The following ANKRD10 variants were observed in gnomAD, a reference collection of about 807,000 sequenced individuals.
The protein encoded by ANKRD10 is ankyrin repeat domain-containing protein 10.
Under a neutral mutation model 27.0 loss-of-function variants are expected in ANKRD10, and 14 were observed. The observed-to-expected ratio is 0.52, with a 90% CI of 0.34 to 0.81. The LOEUF (loss-of-function observed/expected upper bound fraction) is 0.81. Ranked by LOEUF, ANKRD10 falls within the 40% of genes least tolerant of loss-of-function variation. The probability of loss-of-function intolerance (pLI) is 0.01; values close to 1 mark genes in which losing one functional copy is unlikely to be tolerated. For missense variants in ANKRD10, 493 were observed against 544.0 expected (o/e 0.91, Z 0.93); for synonymous variants, 250 against 224.5 (o/e 1.11, Z -1.01).
chr13:110,879,521 T>C lies in ANKRD10; in HGVS notation c.*116A>G, dbSNP rs764525776. ...TGTCGAAGTTTACTTTTTCAGAAAG[T>C]TGAAGTATATAAAAAACGTACAAGT... is the stretch of plus-strand genomic sequence containing the variant. On this transcript the variant is annotated 3_prime_UTR_variant, in exon 6 of 6. Coordinates refer to ENST00000267339, the MANE Select transcript of ANKRD10 (RefSeq NM_017664.4). 1.9e-5 allele frequency: 15 copies of C among 794,806 alleles called. No homozygotes were observed. The highest frequency in any genetic ancestry group is 2.8e-5 in the Non-Finnish European group (14 of 503,176). 49.2% of individuals were successfully genotyped at this position (794,806 alleles called of 1,614,324 possible). A position where few individuals can be genotyped will look rare whatever the true frequency, so the allele number is the denominator to read the frequency against.
At chr13:110,904,736 C>T (rs1258056665) in intron 3 of ANKRD10, among the ~76,000 whole-genome samples, 1 of 152,220 alleles carries the variant, frequency 6.6e-6, no homozygotes, top group Non-Finnish European at 1.5e-5. Context: ...TCAATTGTTT[C>T]TACATTACCT....
chr13:110,889,229 G>A (rs564207612), intron 4 of ANKRD10, among the ~76,000 whole-genome samples: 3 of 152,280 alleles, frequency 2.0e-5, no homozygotes, highest in African/African-American at 7.2e-5. Flanking sequence ...GAGTCCTGAA[G>A]CCCATGCATC....
intron 3 of ANKRD10, among the ~76,000 whole-genome samples, chr13:110,896,724 A>G (rs758662143): frequency 6.6e-6 from 1 of 152,280 alleles, no homozygotes; most frequent in Non-Finnish European, 1.5e-5. Flanking sequence ...CCTCAAGGCA[A>G]TTGAGCATGG....
intron 4 of ANKRD10, among the ~76,000 whole-genome samples, chr13:110,889,234 T>G (rs1393946284): frequency 6.6e-6 from 1 of 152,184 alleles, no homozygotes; most frequent in African/African-American, 2.4e-5. Context: ...CTGAAGCCCA[T>G]GCATCATACC....
intron 3 of ANKRD10, chr13:110,903,991 G>T (rs1419772050): frequency 2.6e-5 from 4 of 152,236 alleles, no homozygotes; most frequent in African/African-American, 9.6e-5. Context: ...GTTACACGTT[G>T]GTGGACTAAA....
intron 5 of ANKRD10, among the ~76,000 whole-genome samples, chr13:110,882,882 A>T (rs190100008): frequency 1.4e-3 from 216 of 152,226 alleles, no homozygotes; most frequent in Non-Finnish European, 2.6e-3. Flanking sequence ...TAATAAACTT[A>T]AAAAAAATCT....
intron 5 of ANKRD10, 53 bp downstream of exon 5, chr13:110,883,645 G>A (rs760116869): frequency 6.2e-7 from 1 of 1,605,584 alleles, no homozygotes; most frequent in South Asian, 1.1e-5. Flanking sequence ...GCTGTTTGGT[G>A]TCTTCAACCA....
intron 4 of ANKRD10, among the ~76,000 whole-genome samples, 194 bp from the exon 5 acceptor site, chr13:110,883,987 G>A (rs370080280): frequency 1.4e-4 from 22 of 152,220 alleles, no homozygotes; most frequent in African/African-American, 5.1e-4. Context: ...CTTGACATGT[G>A]CAGATTTTAA....
chr13:110,897,655 G>A (rs909614463), intron 3 of ANKRD10, among the ~76,000 whole-genome samples: 1 of 152,166 alleles, frequency 6.6e-6, no homozygotes, highest in Non-Finnish European at 1.5e-5. Context: ...AATAGTGCTG[G>A]AACGAGCATG....
intron 1 of ANKRD10, among the ~76,000 whole-genome samples, chr13:110,913,359 G>C (rs67483351): frequency 2.0e-5 from 3 of 152,154 alleles, no homozygotes; most frequent in Non-Finnish European, 4.4e-5. Flanking sequence ...AGAAGCGCAG[G>C]GAGGAGGCTT....
intron 4 of ANKRD10, among the ~76,000 whole-genome samples, chr13:110,891,301 G>A (rs189414820): frequency 3.5e-4 from 53 of 152,080 alleles, no homozygotes; most frequent in African/African-American, 1.1e-3. Context: ...TTAAAAAGGC[G>A]TTGAAACTAC....
chr13:110,883,204 A>ACCAC (rs2064851302), intron 5 of ANKRD10: 1 of 152,540 alleles, frequency 6.6e-6, no homozygotes, highest in Admixed American at 6.5e-5. Flanking sequence ...CTGAGTCAGA[A>ACCAC]CCACATTTAC....
At chr13:110,887,700 G>C (rs926477348) in intron 4 of ANKRD10, among the ~76,000 whole-genome samples, 1 of 152,210 alleles carries the variant, frequency 6.6e-6, no homozygotes, top group African/African-American at 2.4e-5. Flanking sequence ...TTCACCCAAT[G>C]AACTTAGGCA....
chr13:110,886,306 T>C (rs2064929393), intron 4 of ANKRD10, among the ~76,000 whole-genome samples: 1 of 152,252 alleles, frequency 6.6e-6, no homozygotes, highest in Admixed American at 6.5e-5. Context: ...ATGCATCTTT[T>C]GTTAATGCAG....
At chr13:110,898,459 T>C (rs1017228772) in intron 3 of ANKRD10, among the ~76,000 whole-genome samples, 1 of 152,238 alleles carries the variant, frequency 6.6e-6, no homozygotes, top group Non-Finnish European at 1.5e-5. Context: ...ATGAAACACT[T>C]GATTTACAGG....
intron 3 of ANKRD10, among the ~76,000 whole-genome samples, chr13:110,898,591 C>T (rs1042041878): frequency 6.6e-5 from 10 of 152,010 alleles, no homozygotes; most frequent in African/African-American, 2.2e-4. Flanking sequence ...TTGTTTTAAA[C>T]AGGGTCTCAC....
Position 110,915,035 on chromosome 13 carries a change from C to T in ANKRD10, c.-101G>A. On this transcript the variant is annotated 5_prime_UTR_variant, in exon 1 of 6. Coordinates refer to ENST00000267339, the MANE Select transcript of ANKRD10 (RefSeq NM_017664.4). The stretch of plus-strand genomic sequence containing the variant: ...GCACAAAGGAACGAGACTAGCGCCG[C>T]GGTCGCGTCCCACAGGCTGCCGAGC... 8 of 1,438,466 alleles carry T rather than the reference C, an allele frequency of 5.6e-6. No individual in the cohort carries two copies. Among genetic ancestry groups the T allele is most frequent in the African/African-American group, 1.5e-5 (1 of 68,164 alleles). 89.1% of individuals were successfully genotyped at this position (1,438,466 alleles called of 1,614,324 possible).
rs1566440527 is a variant in ANKRD10 at position 110,879,174 on chromosome 13, A to G, written c.*463T>C. 5.9e-6 allele frequency: 1 copy of G among 169,232 alleles called. No homozygotes were observed. The highest frequency in any genetic ancestry group is 1.3e-5 in the Non-Finnish European group (1 of 76,230). The allele number at this position is 169,232 out of a possible 1,614,324, so 10.5% of individuals were successfully genotyped here. ...CACAAATCACTGCAGAAATCTTTGT[A>G]AGGCTGTACCTTGCATAGGGAAATA... On this transcript the variant is annotated 3_prime_UTR_variant, in exon 6 of 6. Coordinates refer to ENST00000267339, the MANE Select transcript of ANKRD10 (RefSeq NM_017664.4).
chr13:110,910,456 T>C (rs35930208), intron 2 of ANKRD10, among the ~76,000 whole-genome samples, 162 bp downstream of exon 2: 52,330 of 152,178 alleles, frequency 0.34, 9,518 homozygotes, highest in South Asian at 0.43. Flanking sequence ...GGAAAGGGCC[T>C]ACTATCCTCC....
Sources: allele counts gnomAD v4.1 joint callset (sites outside exome capture counted in the v4.1 genomes callset), GRCh38; gene constraint gnomAD v4.1.1; transcripts MANE v1.5; gene names NCBI Gene and HGNC (gene_info 2026-07-23, HGNC 2026-07-21).